Variants in RNGTT observed in about 807,000 individuals in gnomAD.
RNGTT encodes the protein mRNA-capping enzyme.
Under a neutral mutation model 79.3 loss-of-function variants are expected in RNGTT, and 33 were observed. The observed-to-expected ratio is 0.42, with a 90% CI of 0.32 to 0.56. The LOEUF (loss-of-function observed/expected upper bound fraction) is 0.56. Among genes scored for constraint, RNGTT ranks in the 20% least tolerant of loss-of-function variants. The pLI is 0.17. For missense variants in RNGTT, 497 were observed against 739.1 expected (o/e 0.67, Z 3.80); for synonymous variants, 222 against 235.9 (o/e 0.94, Z 0.54).
chr6:88,612,788 T>G lies in RNGTT; in HGVS notation c.1725A>C (p.Lys575Asn). 1 of 1,613,514 alleles carries G rather than the reference T, an allele frequency of 6.2e-7. No individual in the cohort carries two copies. Among genetic ancestry groups the G allele is most frequent in the Non-Finnish European group, 8.5e-7 (1 of 1,179,952 alleles). ...CTAASQGQKR[K>N]HHLDPDTELM... ...GCTCCGTGTCAGGGTCCAGATGATG[T>G]TTTCGCTTCTGTCCTTGAGAAGCTG... The change falls in exon 16 of 16, where the codon AAA becomes AAC. Residue 575 changes from lysine to asparagine, a missense_variant. Lys to Asn is a moderately conservative substitution (Grantham distance 94). Around this residue, in one of 3 missense-constraint regions of RNGTT, gnomAD observed 53 missense variants for 50.5 expected, o/e 1.05. Transcript: ENST00000369485.
At chr6:88,640,176 C>T (rs1167327775) in intron 14 of RNGTT, among the ~76,000 whole-genome samples, 1 of 152,062 alleles carries the variant, frequency 6.6e-6, no homozygotes, top group African/African-American at 2.4e-5. Flanking sequence ...AAGTACTTGG[C>T]ACATAAAGAT....
intron 14 of RNGTT, among the ~76,000 whole-genome samples, chr6:88,648,873 T>G (rs1773685711): frequency 6.6e-6 from 1 of 152,200 alleles, no homozygotes; most frequent in South Asian, 2.1e-4. Flanking sequence ...GCGATTTCTT[T>G]GTAAATCAGC....
intron 8 of RNGTT, among the ~76,000 whole-genome samples, chr6:88,881,461 T>C (rs1407688673): frequency 6.6e-6 from 1 of 152,218 alleles, no homozygotes; most frequent in Non-Finnish European, 1.5e-5. Context: ...ATGCTTGCTA[T>C]GTAAAACTCA....
chr6:88,885,023 C>T (rs1328455442), intron 8 of RNGTT, among the ~76,000 whole-genome samples: 2 of 151,610 alleles, frequency 1.3e-5, no homozygotes, highest in Admixed American at 1.3e-4. Flanking sequence ...TTGGAAGTAT[C>T]AGTACGAACT....
At chr6:88,882,235 A>C (rs1269665088) in intron 8 of RNGTT, among the ~76,000 whole-genome samples, 1 of 152,186 alleles carries the variant, frequency 6.6e-6, no homozygotes, top group African/African-American at 2.4e-5. Context: ...TCAGAAAATA[A>C]ATTTTATTTA....
At chr6:88,945,525 C>G (rs1035263386) in intron 1 of RNGTT, among the ~76,000 whole-genome samples, 15 of 152,186 alleles carry the variant, frequency 9.9e-5, no homozygotes, top group African/African-American at 3.4e-4. Flanking sequence ...GTCCTCAACT[C>G]CTTTGTTCCC....
chr6:88,892,847 C>T (rs1252816633), intron 6 of RNGTT, among the ~76,000 whole-genome samples: 1 of 152,042 alleles, frequency 6.6e-6, no homozygotes, highest in African/African-American at 2.4e-5. Context: ...AAAAAAAGAA[C>T]AATTAATACT....
intron 12 of RNGTT, among the ~76,000 whole-genome samples, chr6:88,779,755 A>G (rs913396070): frequency 1.1e-4 from 16 of 152,192 alleles, no homozygotes; most frequent in African/African-American, 3.9e-4. Context: ...CACTTTGAGA[A>G]GCCAAGGCGG....
chr6:88,807,213 T>C (rs1446336415), intron 11 of RNGTT, among the ~76,000 whole-genome samples: 1 of 152,158 alleles, frequency 6.6e-6, no homozygotes, highest in Non-Finnish European at 1.5e-5. Context: ...GTAACAAACC[T>C]GCACATCCTG....
intron 14 of RNGTT, among the ~76,000 whole-genome samples, chr6:88,630,685 G>T (rs986146721): frequency 2.0e-5 from 3 of 151,662 alleles, no homozygotes; most frequent in African/African-American, 7.3e-5. Flanking sequence ...AAGTCGGTGG[G>T]GAGGGGGTGA....
chr6:88,790,864 T>C (rs1779383889), intron 12 of RNGTT, among the ~76,000 whole-genome samples: 1 of 152,206 alleles, frequency 6.6e-6, no homozygotes, highest in African/African-American at 2.4e-5. Flanking sequence ...TAGAACTTGC[T>C]CTTAATAGGA....
Position 88,893,281 on chromosome 6 carries a change from T to A in RNGTT, c.685-1366A>T, listed in dbSNP as rs540081768. On this transcript the variant is annotated intron_variant, in intron 6 of 15. Coordinates refer to ENST00000369485, the MANE Select transcript of RNGTT (RefSeq NM_003800.5). ...TTTTTAGAGAGTTCAATATTAAGCATCCTAATTCTGATGGTATTAACAGCA... is the reference window on the plus strand; with the variant it reads ...TTTTTAGAGAGTTCAATATTAAGCAACCTAATTCTGATGGTATTAACAGCA... Among the ~76,000 whole-genome samples the A allele has an allele frequency of 2.0e-5, 3 of 152,206 alleles. No individual in the cohort carries two copies. The East Asian group carries it at 5.8e-4, about 29-fold the overall frequency.
At chr6:88,793,534 G>A (rs1019883408) in intron 12 of RNGTT, among the ~76,000 whole-genome samples, 5 of 152,184 alleles carry the variant, frequency 3.3e-5, no homozygotes, top group Non-Finnish European at 7.3e-5. Context: ...TAACAACTTA[G>A]GAGATAAAAG....
At chr6:88,691,201 T>G (rs1257143951) in intron 13 of RNGTT, among the ~76,000 whole-genome samples, 1 of 152,114 alleles carries the variant, frequency 6.6e-6, no homozygotes, top group East Asian at 1.9e-4. Context: ...GAGACATGGT[T>G]GTTTAAAAGT....
At chr6:88,812,487 C>A (rs770777353) in intron 11 of RNGTT, among the ~76,000 whole-genome samples, 1 of 152,168 alleles carries the variant, frequency 6.6e-6, no homozygotes, top group African/African-American at 2.4e-5. Flanking sequence ...TTCACTCATT[C>A]AACAAACATT....
At chr6:88,917,066 G>A (rs1300698909) in intron 4 of RNGTT, among the ~76,000 whole-genome samples, 1 of 152,130 alleles carries the variant, frequency 6.6e-6, no homozygotes, top group Admixed American at 6.5e-5. Context: ...AAGCAGGACT[G>A]GTTTCTTTTT....
intron 11 of RNGTT, among the ~76,000 whole-genome samples, chr6:88,815,132 T>G (rs1245332076): frequency 1.3e-5 from 2 of 152,174 alleles, no homozygotes; most frequent in African/African-American, 4.8e-5. Flanking sequence ...TGTATTAGCC[T>G]GAACTTTTGG....
rs186074009 is a variant in RNGTT at position 88,934,533 on chromosome 6, T to C, written c.175-5266A>G. On this transcript the variant is annotated intron_variant, in intron 2 of 15. Transcript: ENST00000369485. ...GGGATTTTTTTCCTGTTGTTTCCAGTTCTTTGTATATTCTGGATACTAATC... is the reference window on the plus strand; with the variant it reads ...GGGATTTTTTTCCTGTTGTTTCCAGCTCTTTGTATATTCTGGATACTAATC... Among the ~76,000 whole-genome samples, 11 of 152,330 alleles carry C rather than the reference T, an allele frequency of 7.2e-5. No homozygotes were observed. In the East Asian group the frequency reaches 1.9e-3, roughly 27 times the overall value.
intron 14 of RNGTT, among the ~76,000 whole-genome samples, chr6:88,675,546 A>G (rs933593390): frequency 6.6e-6 from 1 of 152,206 alleles, no homozygotes; most frequent in African/African-American, 2.4e-5. Context: ...AAAATTTTAA[A>G]AAAGGAAAAG....
Sources: gnomAD v4.1 joint callset for allele counts (sites outside exome capture counted in the v4.1 genomes callset) on GRCh38, gnomAD v4.1.1 for gene constraint, gnomAD v4.1.1 regional missense constraint, MANE v1.5 for transcripts, NCBI Gene and HGNC (gene_info 2026-07-23, HGNC 2026-07-21) for gene names.